The following CTNNA3 variants were observed in gnomAD, a reference collection of about 807,000 sequenced individuals.
CTNNA3 encodes catenin alpha-3.
A neutral mutation model predicts 95.7 loss-of-function variants in CTNNA3; 76 were observed. The ratio of observed to expected loss-of-function variants is 0.79; its 90% confidence interval spans 0.66 to 0.96. The LOEUF (loss-of-function observed/expected upper bound fraction) is 0.96. Among genes scored for constraint, CTNNA3 ranks in the 40% least tolerant of loss-of-function variants. The probability of loss-of-function intolerance (pLI) is 0.00; values close to 1 mark genes in which losing one functional copy is unlikely to be tolerated. For synonymous variants in CTNNA3, 431 were observed against 374.4 expected, an observed-to-expected ratio of 1.15 and a Z score of -1.74; for missense variants, 1,191 against 1,089.8, an observed-to-expected ratio of 1.09 and a Z score of -1.31.
Position 66,767,473 on chromosome 10 carries a change from T to A in CTNNA3, c.1129-1057A>T, listed in dbSNP as rs1047216260. 3.1e-4 allele frequency among the ~76,000 whole-genome samples: 46 copies of A among 148,526 alleles called. 1 individual carries two copies. Among genetic ancestry groups the A allele is most frequent in the African/African-American group, 1.1e-3 (43 of 39,838 alleles). On this transcript the variant is annotated intron_variant, in intron 8 of 17. Coordinates refer to ENST00000433211, the MANE Select transcript of CTNNA3 (RefSeq NM_013266.4). ...CCCCCCGACAAAAAAAAAAAAATCA[T>A]AATATCCTGAAATGTTTCATTAACA...
intron 7 of CTNNA3, among the ~76,000 whole-genome samples, chr10:66,915,505 G>T (rs879857846): frequency 5.9e-5 from 9 of 151,938 alleles, no homozygotes; most frequent in Non-Finnish European, 8.8e-5. Context: ...TTAGTGGAAG[G>T]TGCTTCAACA....
intron 7 of CTNNA3, among the ~76,000 whole-genome samples, chr10:66,857,787 G>A (rs543402805): frequency 6.6e-5 from 10 of 152,108 alleles, no homozygotes; most frequent in Admixed American, 4.6e-4. Flanking sequence ...TTGTTTATCA[G>A]ATCAAGAAGC....
chr10:66,213,802 A>G (rs1290546812), intron 13 of CTNNA3, among the ~76,000 whole-genome samples: 2 of 152,182 alleles, frequency 1.3e-5, no homozygotes, highest in African/African-American at 4.8e-5. Flanking sequence ...TGTGTAAGAA[A>G]GGGTAGTAGG....
At chr10:67,524,541 G>T (rs1265714549) in intron 4 of CTNNA3, among the ~76,000 whole-genome samples, 1 of 151,994 alleles carries the variant, frequency 6.6e-6, no homozygotes, top group Non-Finnish European at 1.5e-5. Flanking sequence ...ACTAAAGGTC[G>T]GACTTTGTAT....
At chr10:67,433,498 T>C (rs1211754132) in intron 5 of CTNNA3, among the ~76,000 whole-genome samples, 1 of 152,084 alleles carries the variant, frequency 6.6e-6, no homozygotes. Flanking sequence ...ACTTGCTCAA[T>C]ACAGAGTTGC....
chr10:67,078,300 A>G (rs1369521133), intron 7 of CTNNA3, among the ~76,000 whole-genome samples: 1 of 152,166 alleles, frequency 6.6e-6, no homozygotes, highest in African/African-American at 2.4e-5. Flanking sequence ...TATAGTGCCT[A>G]CTAACTGGCC....
chr10:66,283,112 G>A (rs1009360471), intron 12 of CTNNA3, among the ~76,000 whole-genome samples: 1 of 151,800 alleles, frequency 6.6e-6, no homozygotes, highest in Non-Finnish European at 1.5e-5. Context: ...CTAAGAAAAT[G>A]TGTCCAGTTA....
intron 9 of CTNNA3, among the ~76,000 whole-genome samples, chr10:66,690,605 T>C (rs1283041315): frequency 6.6e-6 from 1 of 151,984 alleles, no homozygotes; most frequent in Non-Finnish European, 1.5e-5. Flanking sequence ...GATAGTTTAC[T>C]GAGAATGATT....
intron 7 of CTNNA3, among the ~76,000 whole-genome samples, chr10:66,977,392 C>T (rs1049585266): frequency 1.2e-4 from 18 of 150,996 alleles, no homozygotes; most frequent in African/African-American, 3.4e-4. Flanking sequence ...GCCAAGATCA[C>T]GCCACTGCAC....
At chr10:66,433,607 G>T (rs1445655588) in intron 11 of CTNNA3, among the ~76,000 whole-genome samples, 2 of 152,172 alleles carry the variant, frequency 1.3e-5, no homozygotes, top group African/African-American at 4.8e-5. Flanking sequence ...TGTTTCCTCT[G>T]ATGGTAGTTT....
intron 6 of CTNNA3, among the ~76,000 whole-genome samples, chr10:67,187,816 G>C (rs1862930258): frequency 6.6e-6 from 1 of 152,014 alleles, no homozygotes; most frequent in Non-Finnish European, 1.5e-5. Flanking sequence ...AAACTCCTGA[G>C]TTCAGGCAAT....
chr10:65,923,464 C>T (rs1220506175), intron 17 of CTNNA3, among the ~76,000 whole-genome samples: 1 of 152,124 alleles, frequency 6.6e-6, no homozygotes, highest in Non-Finnish European at 1.5e-5. Context: ...TCTTTTGTTT[C>T]TGAACAGATT....
chr10:66,298,931 T>TA (rs900128139), intron 12 of CTNNA3, among the ~76,000 whole-genome samples: 1 of 152,172 alleles, frequency 6.6e-6, no homozygotes, highest in African/African-American at 2.4e-5. Context: ...GGGAACTGCT[T>TA]AGGGCCAACC....
chr10:67,153,471 A>G (rs886536232), intron 7 of CTNNA3, among the ~76,000 whole-genome samples: 3 of 152,220 alleles, frequency 2.0e-5, no homozygotes, highest in Admixed American at 6.5e-5. Context: ...CCAGGTAATT[A>G]TATTATTCCT....
At chr10:66,375,024 G>A (rs2092785454) in intron 12 of CTNNA3, among the ~76,000 whole-genome samples, 1 of 151,990 alleles carries the variant, frequency 6.6e-6, no homozygotes, top group Non-Finnish European at 1.5e-5. Flanking sequence ...CAGTGCACGA[G>A]AACAGAAAGA....
At chr10:67,648,793 T>C (rs1335264809) in intron 1 of CTNNA3, 1 of 1,289,546 alleles carries the variant, frequency 7.8e-7, no homozygotes, top group Non-Finnish European at 1.0e-6. Context: ...AGTAGAAACA[T>C]GGTCTCTTTT....
intron 9 of CTNNA3, among the ~76,000 whole-genome samples, chr10:66,758,963 A>G (rs960012492): frequency 5.9e-5 from 9 of 152,136 alleles, no homozygotes; most frequent in African/African-American, 1.9e-4. Context: ...AACGACAACA[A>G]AAGAACTTTG....
chr10:65,972,780 C>G (rs944970417), intron 16 of CTNNA3, among the ~76,000 whole-genome samples: 9 of 151,868 alleles, frequency 5.9e-5, no homozygotes, highest in African/African-American at 2.2e-4. Context: ...TCAAAGCAAT[C>G]TACAGATTCA....
At chr10:67,632,417 G>T (rs1477146990) in intron 2 of CTNNA3, among the ~76,000 whole-genome samples, 2 of 152,094 alleles carry the variant, frequency 1.3e-5, no homozygotes, top group African/African-American at 2.4e-5. Context: ...ATTAGAAGCA[G>T]CTGCGGTCTG....
Sources: gnomAD v4.1 joint callset for allele counts (sites outside exome capture counted in the v4.1 genomes callset) on GRCh38, gnomAD v4.1.1 for gene constraint, MANE v1.5 for transcripts, NCBI Gene and HGNC (gene_info 2026-07-23, HGNC 2026-07-21) for gene names.